Variants in CDC5L observed in about 807,000 individuals in gnomAD.
CDC5L encodes cell division cycle 5-like protein.
Under a neutral mutation model 104.1 loss-of-function variants are expected in CDC5L, and 18 were observed. The observed-to-expected ratio is 0.17, with a 90% CI of 0.12 to 0.26. CDC5L has a LOEUF of 0.26. Ranked by LOEUF, CDC5L falls within the 10% of genes least tolerant of loss-of-function variation. The probability of loss-of-function intolerance (pLI) is 1.00; values close to 1 mark genes in which losing one functional copy is unlikely to be tolerated. For missense variants in CDC5L, 673 were observed against 956.9 expected (o/e 0.70, Z 3.91); for synonymous variants, 331 against 322.7 (o/e 1.03, Z -0.28).
chr6:44,402,074 T>C (rs2153376383), intron 5 of CDC5L, among the ~76,000 whole-genome samples: 1 of 141,524 alleles, frequency 7.1e-6, no homozygotes, highest in South Asian at 2.5e-4. Flanking sequence ...TTTGGGTTGG[T>C]TCCAAGTCTT....
chr6:44,403,827 A>G lies in CDC5L; in HGVS notation c.558A>G (p.Gln186=), dbSNP rs1318241620. 2 of 1,608,496 alleles carry G rather than the reference A, an allele frequency of 1.2e-6. No homozygotes were observed. Among genetic ancestry groups the G allele is most frequent in the East Asian group, 2.2e-5 (1 of 44,790 alleles). Residue 186 remains glutamine, a synonymous_variant, in exon 6 of 16, where the codon CAA becomes CAG. Coordinates refer to ENST00000371477, the MANE Select transcript of CDC5L (RefSeq NM_001253.4). ...LEEARRLAAL[Q]KRRELRAAGI... is the part of the protein sequence containing the mutation. ...TTTTCAGACGTCTTGCTGCCCTCCA[A>G]AAAAGAAGAGAACTTCGAGCAGCTG...
In CDC5L at chr6:44,387,868, G is replaced by A. The variant is rs2153372578; in HGVS notation, c.45G>A (p.Glu15=). ...AGGGGGGCGTATGGAGGAATACCGAGGTAAGTCTCCTTTTCCCGCCGTCCG... is the reference window on the plus strand; with the variant it reads ...AGGGGGGCGTATGGAGGAATACCGAAGTAAGTCTCCTTTTCCCGCCGTCCG... The part of the protein sequence containing the change: ...MIKGGVWRNT[E]DEILKAAVMK... The change falls in exon 1 of 16, where the codon GAG becomes GAA. Residue 15 remains glutamate, a splice_region_variant and synonymous_variant. Coordinates refer to ENST00000371477, the MANE Select transcript of CDC5L (RefSeq NM_001253.4). 6.4e-7 allele frequency: 1 copy of A among 1,561,518 alleles called. No individual in the cohort carries two copies. The highest frequency in any genetic ancestry group is 1.2e-5 in the South Asian group (1 of 85,240).
chr6:44,442,375 TTGTGTGTGTGTGTG>T lies in CDC5L; in HGVS notation c.2092-3258_2092-3245del, dbSNP rs149528659. On this transcript the variant is annotated intron_variant, in intron 14 of 15. Transcript: ENST00000371477. Reference sequence around the variant, plus strand: ...TCTCTTGCTTGTGTGTGTGTGTATGTTGTGTGTGTGTGTGTGTGTGTGTGTGTGTGTGTGTCTTA... The same window carrying T: ...TCTCTTGCTTGTGTGTGTGTGTATGTTGTGTGTGTGTGTGTGTGTGTCTTA... Among the ~76,000 whole-genome samples, 754 of 145,116 alleles carry T rather than the reference TTGTGTGTGTGTGTG, an allele frequency of 5.2e-3. 3 individuals are homozygous for T. The highest frequency in any genetic ancestry group is 9.0e-3 in the Non-Finnish European group (591 of 65,554).
intron 7 of CDC5L, among the ~76,000 whole-genome samples, chr6:44,407,603 A>AT (rs1411766843): frequency 6.6e-6 from 1 of 152,178 alleles, no homozygotes; most frequent in Non-Finnish European, 1.5e-5. Flanking sequence ...AAGTGCTGGG[A>AT]TTATAGGCAT....
At chr6:44,396,750 G>T (rs1302617358) in intron 5 of CDC5L, among the ~76,000 whole-genome samples, 4 of 152,158 alleles carry the variant, frequency 2.6e-5, no homozygotes, top group African/African-American at 9.7e-5. Context: ...GGGTTCCACT[G>T]CCCCTTCCTT....
At chr6:44,431,377 A>C (rs925060349) in intron 14 of CDC5L, among the ~76,000 whole-genome samples, 2 of 152,196 alleles carry the variant, frequency 1.3e-5, no homozygotes, top group African/African-American at 2.4e-5. Context: ...CAGTGGTTAA[A>C]TTGTAAGTTA....
chr6:44,420,146 A>C (rs898614587), intron 9 of CDC5L, among the ~76,000 whole-genome samples: 2 of 152,150 alleles, frequency 1.3e-5, no homozygotes, highest in African/African-American at 4.8e-5. Flanking sequence ...GAATGTGTGG[A>C]AGTTATCAGT....
intron 5 of CDC5L, 80 bp downstream of exon 5, chr6:44,396,520 T>C (rs1034163895): frequency 9.1e-6 from 8 of 883,000 alleles, no homozygotes; most frequent in East Asian, 5.2e-5. Context: ...TGACCAGATA[T>C]GTGGTTTTTT....
rs897580646 is a variant in CDC5L, at chr6:44,387,764, C to A, written c.-60C>A. 3 of 1,455,646 alleles carry A rather than the reference C, an allele frequency of 2.1e-6. No individual in the cohort carries two copies. Among genetic ancestry groups the A allele is most frequent in the African/African-American group, 1.4e-5 (1 of 71,154 alleles). 90.2% of individuals were successfully genotyped at this position (1,455,646 alleles called of 1,614,324 possible). Reference sequence around the variant, plus strand: ...GCGGCTTTGAGTCCGGTGGCCCAATCGCTGTTACTACTTCTCTGAAGCTCC... The same window carrying A: ...GCGGCTTTGAGTCCGGTGGCCCAATAGCTGTTACTACTTCTCTGAAGCTCC... On this transcript the variant is annotated 5_prime_UTR_variant, in exon 1 of 16. Coordinates refer to ENST00000371477, the MANE Select transcript of CDC5L (RefSeq NM_001253.4).
chr6:44,398,099 A>G (rs765940522), intron 5 of CDC5L, among the ~76,000 whole-genome samples: 2 of 152,066 alleles, frequency 1.3e-5, no homozygotes, highest in African/African-American at 2.4e-5. Flanking sequence ...AGGGTTTTTT[A>G]ATGTCTGAGG....
intron 11 of CDC5L, 36 bp downstream of exon 11, chr6:44,424,619 T>C: frequency 1.9e-6 from 3 of 1,604,536 alleles, no homozygotes; most frequent in Non-Finnish European, 2.6e-6. Context: ...TGAGTTTGGC[T>C]GAATGTGTCA....
chr6:44,388,158 C>CCCCCCCG, intron 1 of CDC5L, among the ~76,000 whole-genome samples: 1 of 5,346 alleles, frequency 1.9e-4, no homozygotes, highest in East Asian at 3.7e-3. Flanking sequence ...CGCCCCCCCG[C>CCCCCCCG]CCCCCCCGGC....
Position 44,426,382 on chromosome 6 carries a change from T to C in CDC5L, c.1651-100T>C, listed in dbSNP as rs570347286. ...GAAGGAAAAAAATGGAAATTGCTTTTGAAAATGTAAAACCGCTGTTTAATT... is the reference window on the plus strand; with the variant it reads ...GAAGGAAAAAAATGGAAATTGCTTTCGAAAATGTAAAACCGCTGTTTAATT... On this transcript the variant is annotated intron_variant, in intron 12 of 15. Coordinates refer to ENST00000371477, the MANE Select transcript of CDC5L (RefSeq NM_001253.4). 5.6e-5 allele frequency: 48 copies of C among 852,650 alleles called. No individual in the cohort carries two copies. The Admixed American group carries it at 9.1e-4, about 16-fold the overall frequency. 52.8% of individuals were successfully genotyped at this position (852,650 alleles called of 1,614,324 possible). A position where few individuals can be genotyped will look rare whatever the true frequency, so the allele number is the denominator to read the frequency against.
At chr6:44,414,779 A>G (rs1791836217) in intron 8 of CDC5L, among the ~76,000 whole-genome samples, 1 of 152,002 alleles carries the variant, frequency 6.6e-6, no homozygotes, top group Non-Finnish European at 1.5e-5. Flanking sequence ...GAAGGCTTAT[A>G]TTTTCATGAA....
intron 1 of CDC5L, among the ~76,000 whole-genome samples, chr6:44,389,627 G>T (rs1356387946): frequency 6.6e-6 from 1 of 152,056 alleles, no homozygotes; most frequent in East Asian, 1.9e-4. Flanking sequence ...AGTGGGGTTG[G>T]GGTAGAAATA....
intron 6 of CDC5L, among the ~76,000 whole-genome samples, chr6:44,404,566 A>G (rs1177007531): frequency 6.6e-6 from 1 of 152,188 alleles, no homozygotes; most frequent in Non-Finnish European, 1.5e-5. Context: ...TTGAGTTGAA[A>G]TGCATGGCTC....
intron 14 of CDC5L, among the ~76,000 whole-genome samples, chr6:44,438,308 T>TA (rs757885031): frequency 1.3e-5 from 2 of 152,210 alleles, no homozygotes; most frequent in African/African-American, 2.4e-5. Flanking sequence ...TAGTTGTTCA[T>TA]ATCTTATTGG....
At chr6:44,393,367 T>C (rs1451811341) in intron 3 of CDC5L, 79 bp from the exon 4 acceptor site, 5 of 1,357,214 alleles carry the variant, frequency 3.7e-6, no homozygotes, top group Non-Finnish European at 5.0e-6. Flanking sequence ...GGGAAAAATA[T>C]CGTCAGAACT....
rs2153381806 is a variant in CDC5L at position 44,426,619 on chromosome 6, A to G, written c.1788A>G (p.Gly596=). ...TACATCACCCTTATGAACCATCTGG[A>G]AATAAAAAAGGCAAAACTGTAGGGT... The part of the protein sequence containing the change: ...DLLHHPYEPS[G]NKKGKTVGFG... Residue 596 remains glycine, a synonymous_variant, in exon 13 of 16, where the codon GGA becomes GGG. Transcript: ENST00000371477. 1 of 1,613,634 alleles carries G rather than the reference A, an allele frequency of 6.2e-7. No homozygotes were observed. The highest frequency in any genetic ancestry group is 1.1e-5 in the South Asian group (1 of 91,070).
Sources: gnomAD v4.1 joint callset for allele counts (sites outside exome capture counted in the v4.1 genomes callset) on GRCh38, gnomAD v4.1.1 for gene constraint, MANE v1.5 for transcripts, NCBI Gene and HGNC (gene_info 2026-07-23, HGNC 2026-07-21) for gene names.